ELAVL2: variants seen among roughly 807,000 people sequenced by gnomAD.
ELAVL2 encodes the protein ELAV like RNA binding protein 2.
In ELAVL2, 4 loss-of-function variants were observed where a neutral mutation model predicts 34.6. The observed-to-expected ratio is 0.12, with a 90% CI of 0.06 to 0.26. The LOEUF is 0.26. Ranked by LOEUF, ELAVL2 falls within the 10% of genes least tolerant of loss-of-function variation. ELAVL2 has a pLI of 1.00. For missense variants in ELAVL2, 432 were observed against 442.8 expected (o/e 0.98, Z 0.22); for synonymous variants, 193 against 154.8 (o/e 1.25, Z -1.83).
chr9:23,762,157 C>G lies in ELAVL2; in HGVS notation c.78G>C (p.Ser26=). ...NGPTTINNNC[S]SPVDSGNTED... ...CTGTGTTCCCAGAGTCAACTGGTGA[C>G]GAACAGTTGTTGTTTATGGTGGTTG... The change falls in exon 2 of 7, where the codon TCG becomes TCC. Residue 26 remains serine, a synonymous_variant. Transcript: ENST00000397312. 3 of 1,613,598 alleles carry G rather than the reference C, an allele frequency of 1.9e-6. No homozygotes were observed. Among genetic ancestry groups the G allele is most frequent in the Non-Finnish European group, 2.5e-6 (3 of 1,179,636 alleles).
chr9:23,772,333 A>C (rs2057439664), intron 1 of ELAVL2, among the ~76,000 whole-genome samples: 1 of 152,148 alleles, frequency 6.6e-6, no homozygotes, highest in Admixed American at 6.5e-5. Context: ...CCAAAGCAGA[A>C]AGAATGACTA....
intron 1 of ELAVL2, among the ~76,000 whole-genome samples, chr9:23,774,008 G>A (rs945781580): frequency 4.0e-5 from 6 of 151,666 alleles, no homozygotes; most frequent in African/African-American, 1.5e-4. Flanking sequence ...TCAGGATATC[G>A]AGACCACCCT....
chr9:23,820,295 TA>T (rs1376564916), intron 1 of ELAVL2, among the ~76,000 whole-genome samples: 26 of 152,212 alleles, frequency 1.7e-4, no homozygotes, highest in African/African-American at 5.8e-4. Flanking sequence ...GCTAAATTTT[TA>T]TGAAGAATTA....
At chr9:23,709,960 G>A (rs1036087037) in intron 3 of ELAVL2, among the ~76,000 whole-genome samples, 21 of 152,040 alleles carry the variant, frequency 1.4e-4, no homozygotes, top group Admixed American at 1.3e-3. Context: ...CAAAAGCTAC[G>A]AGTGATATAA....
At chr9:23,761,972 GT>G (rs1564337664) in intron 2 of ELAVL2, 33 bp downstream of exon 2, 1 of 1,580,924 alleles carries the variant, frequency 6.3e-7, no homozygotes, top group Admixed American at 1.8e-5. Context: ...GACACGATCC[GT>G]TAAATATAAA....
At chr9:23,777,750 T>C (rs2058450944) in intron 1 of ELAVL2, among the ~76,000 whole-genome samples, 1 of 152,194 alleles carries the variant, frequency 6.6e-6, no homozygotes, top group African/African-American at 2.4e-5. Context: ...GAACAACTGC[T>C]CTGCATCGCT....
chr9:23,746,238 G>A (rs1369471972), intron 2 of ELAVL2, among the ~76,000 whole-genome samples: 1 of 151,902 alleles, frequency 6.6e-6, no homozygotes, highest in Non-Finnish European at 1.5e-5. Context: ...TTCACAACAG[G>A]GGCTTCTAAC....
chr9:23,802,321 A>C (rs2061662484), intron 1 of ELAVL2, among the ~76,000 whole-genome samples: 1 of 152,210 alleles, frequency 6.6e-6, no homozygotes, highest in African/African-American at 2.4e-5. Flanking sequence ...AGGGACTTCC[A>C]AACGCTAGCC....
intron 2 of ELAVL2, among the ~76,000 whole-genome samples, chr9:23,755,369 G>C (rs1225914500): frequency 6.6e-6 from 1 of 152,116 alleles, no homozygotes; most frequent in East Asian, 1.9e-4. Flanking sequence ...CCAGGTTCAA[G>C]TAAAAAGTGA....
At chr9:23,824,459 G>C (rs2065156071) in intron 1 of ELAVL2, among the ~76,000 whole-genome samples, 1 of 152,172 alleles carries the variant, frequency 6.6e-6, no homozygotes, top group African/African-American at 2.4e-5. Context: ...CCAGCCGGTA[G>C]AGTGGGTGGG....
intron 5 of ELAVL2, among the ~76,000 whole-genome samples, chr9:23,694,946 G>C (rs1243808139): frequency 6.6e-6 from 1 of 152,148 alleles, no homozygotes; most frequent in Non-Finnish European, 1.5e-5. Context: ...GTCACTGATA[G>C]TTTATAATAA....
chr9:23,779,462 G>A (rs2058735254), intron 1 of ELAVL2: 3 of 966,024 alleles, frequency 3.1e-6, no homozygotes, highest in East Asian at 1.2e-4. Flanking sequence ...TAGAGAGTGG[G>A]TGGGCGGGCT....
chr9:23,782,504 A>T (rs2059195865), intron 1 of ELAVL2, among the ~76,000 whole-genome samples: 1 of 152,114 alleles, frequency 6.6e-6, no homozygotes, highest in African/African-American at 2.4e-5. Context: ...TCTGGGAGGC[A>T]GAGGTTGCAA....
chr9:23,834,787 G>A, the ELAVL2 span, among the ~76,000 whole-genome samples: 2 of 151,972 alleles, frequency 1.3e-5, no homozygotes, highest in African/African-American at 4.8e-5. Flanking sequence ...CCTGTTATGT[G>A]ACTTCAATAT....
chr9:23,779,075 A>G (rs1421056200), intron 1 of ELAVL2, among the ~76,000 whole-genome samples: 1 of 152,210 alleles, frequency 6.6e-6, no homozygotes, highest in East Asian at 1.9e-4. Flanking sequence ...GCACACAAAA[A>G]AGATAAAAAT....
rs571214585 is a variant in ELAVL2 at position 23,808,792 on chromosome 9, G to GA, written c.-16+17013dup. Among the ~76,000 whole-genome samples the GA allele has an allele frequency of 7.2e-5, 11 of 152,222 alleles. No homozygotes were observed. The East Asian group carries it at 1.9e-3, about 27-fold the overall frequency. ...GAGAGAAAGAAATGTTAGCCATAAT[G>GA]AAAAATTCCTTATGGGTAAAGTTCC... On this transcript the variant is annotated intron_variant, in intron 1 of 6. Transcript: ENST00000397312.
chr9:23,701,525 C>A lies in ELAVL2; in HGVS notation c.567G>T (p.Gln189His). 1 of 1,614,130 alleles carries A rather than the reference C, an allele frequency of 6.2e-7. No individual in the cohort carries two copies. The highest frequency in any genetic ancestry group is 1.1e-5 in the South Asian group (1 of 91,088). Residue 189 changes from glutamine to histidine, a missense_variant, in exon 5 of 7, where the codon CAG becomes CAT. Transcript: ENST00000397312. Reference protein sequence around the residue: ...AEEAIKGLNGQKPPGATEPIT... With the variant: ...AEEAIKGLNGHKPPGATEPIT... The stretch of plus-strand genomic sequence containing the variant: ...TTGGCTCCGTGGCACCGGGAGGTTT[C>A]TGGCCATTTAGGCCTTTGATAGCTT...
At chr9:23,720,493 C>G (rs1260892083) in intron 3 of ELAVL2, among the ~76,000 whole-genome samples, 1 of 151,896 alleles carries the variant, frequency 6.6e-6, no homozygotes, top group Non-Finnish European at 1.5e-5. Context: ...ATGGATAGGC[C>G]CTAAAGAACC....
chr9:23,791,821 G>A (rs554545066), intron 1 of ELAVL2, among the ~76,000 whole-genome samples: 10 of 152,108 alleles, frequency 6.6e-5, no homozygotes, highest in Non-Finnish European at 1.2e-4. Flanking sequence ...AGAACCATGA[G>A]AAAATAAATT....
Sources: allele counts gnomAD v4.1 joint callset (sites outside exome capture counted in the v4.1 genomes callset), GRCh38; gene constraint gnomAD v4.1.1; transcripts MANE v1.5; gene names NCBI Gene and HGNC (gene_info 2026-07-23, HGNC 2026-07-21).